THEM4: variants seen among roughly 807,000 people sequenced by gnomAD.
The protein encoded by THEM4 is acyl-coenzyme A thioesterase THEM4.
Under a neutral mutation model 25.0 loss-of-function variants are expected in THEM4, and 22 were observed. The observed-to-expected ratio is 0.88, with a 90% CI of 0.63 to 1.26. The LOEUF is 1.26. THEM4 is among the 50% of genes most tolerant of loss of function. The probability of loss-of-function intolerance (pLI) is 0.00; values close to 1 mark genes in which losing one functional copy is unlikely to be tolerated. For synonymous variants in THEM4, 113 were observed against 105.6 expected, an observed-to-expected ratio of 1.07 and a Z score of -0.43; for missense variants, 286 against 300.3, an observed-to-expected ratio of 0.95 and a Z score of 0.35.
chr1:151,889,387 G>C lies in THEM4; in HGVS notation c.287-14C>G. The C allele has an allele frequency of 6.2e-7, 1 of 1,609,984 alleles. No individual in the cohort carries two copies. Among genetic ancestry groups the C allele is most frequent in the East Asian group, 2.2e-5 (1 of 44,816 alleles). On this transcript the variant is annotated splice_polypyrimidine_tract_variant and intron_variant, in intron 2 of 5. Coordinates refer to ENST00000368814, the MANE Select transcript of THEM4 (RefSeq NM_053055.5). ...TAAGCTTTGGGTCTATAGAAAATGA[G>C]GTGGATGGCAAATGAGAAACAAGGG...
At chr1:151,898,455 C>T (rs568704355) in intron 1 of THEM4, among the ~76,000 whole-genome samples, 2 of 152,318 alleles carry the variant, frequency 1.3e-5, no homozygotes, top group Admixed American at 1.3e-4. Flanking sequence ...AGAGTCTGAG[C>T]TCAGATGTGC....
chr1:151,889,501 A>G, intron 2 of THEM4, 128 bp from the exon 3 acceptor site: 1 of 946,724 alleles, frequency 1.1e-6, no homozygotes, highest in Non-Finnish European at 1.6e-6. Flanking sequence ...CACAGGGTGC[A>G]AAATTGAAAG....
At chr1:151,906,466 G>GC (rs1482525316) in intron 1 of THEM4, among the ~76,000 whole-genome samples, 1 of 152,258 alleles carries the variant, frequency 6.6e-6, no homozygotes, top group Non-Finnish European at 1.5e-5. Flanking sequence ...GATGAGTGCT[G>GC]CCCCCTGCTC....
chr1:151,893,923 G>A (rs1042277042), intron 2 of THEM4, among the ~76,000 whole-genome samples: 9 of 151,836 alleles, frequency 5.9e-5, no homozygotes, highest in African/African-American at 2.2e-4. Context: ...GCAGTGGCGC[G>A]ATCTCAGCTC....
chr1:151,895,129 C>G lies in THEM4; in HGVS notation c.165G>C (p.Lys55Asn). 5 of 1,614,084 alleles carry G rather than the reference C, an allele frequency of 3.1e-6. No individual in the cohort carries two copies. Among genetic ancestry groups the G allele is most frequent in the Non-Finnish European group, 4.2e-6 (5 of 1,180,016 alleles). Residue 55 changes from lysine (K) to asparagine (N), a missense_variant, in exon 2 of 6, where the codon AAG becomes AAC. Lys to Asn is a moderately conservative substitution (Grantham distance 94). Coordinates refer to ENST00000368814, the MANE Select transcript of THEM4 (RefSeq NM_053055.5). ...ACTGGTCAAAGAGCAGTCTTAGGTC[C>G]TTGTTCCAGCTGGGGTTGGGGACAG... ...DCSVPNPSWN[K>N]DLRLLFDQFM...
At chr1:151,907,257 A>G (rs551555112) in intron 1 of THEM4, among the ~76,000 whole-genome samples, 74 of 152,286 alleles carry the variant, frequency 4.9e-4, no homozygotes, top group African/African-American at 1.6e-3. Flanking sequence ...GAAACTCTGA[A>G]CACATCCGAA....
chr1:151,890,287 C>T (rs1654068694), intron 2 of THEM4: 2 of 423,468 alleles, frequency 4.7e-6, no homozygotes, highest in South Asian at 3.3e-5. Flanking sequence ...CTTGTTTAGA[C>T]ACAGTTTTTT....
rs1290421876 is a variant in THEM4, at chr1:151,872,725, T to G, written c.*2163A>C. Among the ~76,000 whole-genome samples the G allele has an allele frequency of 6.6e-6, 1 of 152,182 alleles. No homozygotes were observed. Among genetic ancestry groups the G allele is most frequent in the African/African-American group, 2.4e-5 (1 of 41,452 alleles). ...AGGACGTGCCTCATTAACAGTATGT[T>G]TACAGGCAGTATGCTTGGTAAAAGT... On this transcript the variant is annotated 3_prime_UTR_variant, in exon 6 of 6. Transcript: ENST00000368814.
chr1:151,894,296 A>C (rs1198802356), intron 2 of THEM4, among the ~76,000 whole-genome samples: 1 of 152,246 alleles, frequency 6.6e-6, no homozygotes, highest in Non-Finnish European at 1.5e-5. Flanking sequence ...GATATCTGTC[A>C]TTACACAGTT....
At chr1:151,908,965 TA>T (rs1482261715) in intron 1 of THEM4, among the ~76,000 whole-genome samples, 2 of 152,238 alleles carry the variant, frequency 1.3e-5, no homozygotes, top group Admixed American at 6.5e-5. Context: ...TTGGATCAAA[TA>T]TTTTTTTAAA....
intron 2 of THEM4, among the ~76,000 whole-genome samples, chr1:151,893,426 AAG>A (rs3071185): frequency 0.9 from 132,607 of 146,764 alleles, 59,932 homozygotes; most frequent in East Asian, 0.94. Flanking sequence ...CCCAAAACAA[AAG>A]AGAGAGAGAG....
chr1:151,907,027 T>C (rs1301598132), intron 1 of THEM4, among the ~76,000 whole-genome samples: 1 of 152,082 alleles, frequency 6.6e-6, no homozygotes, highest in African/African-American at 2.4e-5. Context: ...CTCTTTGCAA[T>C]AAATCTTGCT....
At chr1:151,888,405 G>A (rs1336632233) in intron 3 of THEM4, 22 bp from the exon 4 acceptor site, 2 of 1,569,710 alleles carry the variant, frequency 1.3e-6, no homozygotes, top group Non-Finnish European at 1.7e-6. Context: ...AGGAGTGGAG[G>A]AGAAATGTTT....
chr1:151,885,055 C>A (rs1558190036), intron 4 of THEM4, among the ~76,000 whole-genome samples: 2 of 151,574 alleles, frequency 1.3e-5, no homozygotes, highest in Non-Finnish European at 2.9e-5. Context: ...TATAGTTTAT[C>A]ATTGTTTTCT....
Position 151,894,474 on chromosome 1 carries a change from A to T in THEM4, c.286+534T>A, listed in dbSNP as rs1221187444. ...TAGGGGTGGGGAGGGGATAAAGGGT[A>T]TATGGGAACTCTCTGTACTTTAGGC... On this transcript the variant is annotated intron_variant, in intron 2 of 5. Transcript: ENST00000368814. Among the ~76,000 whole-genome samples the T allele has an allele frequency of 4.6e-5, 7 of 152,358 alleles. No individual in the cohort carries two copies. The East Asian group carries it at 1.2e-3, about 25-fold the overall frequency.
chr1:151,908,955 T>C (rs1199803548), intron 1 of THEM4, among the ~76,000 whole-genome samples: 2 of 152,204 alleles, frequency 1.3e-5, no homozygotes, highest in African/African-American at 4.8e-5. Flanking sequence ...AGATAAGCGT[T>C]TGGATCAAAT....
At chr1:151,906,133 G>A (rs1358847276) in intron 1 of THEM4, among the ~76,000 whole-genome samples, 1 of 152,260 alleles carries the variant, frequency 6.6e-6, no homozygotes. Flanking sequence ...GGAAGGTGTG[G>A]AGGGAGAGGC....
intron 4 of THEM4, among the ~76,000 whole-genome samples, chr1:151,886,750 ACT>A (rs1470413202): frequency 6.6e-6 from 1 of 152,162 alleles, no homozygotes; most frequent in Admixed American, 6.5e-5. Context: ...ATAGAAAGAA[ACT>A]CTCTCAACAT....
chr1:151,882,935 G>C (rs1302449201), intron 4 of THEM4, among the ~76,000 whole-genome samples: 1 of 151,986 alleles, frequency 6.6e-6, no homozygotes, highest in African/African-American at 2.4e-5. Context: ...ATAAAGAAAA[G>C]AGGTTTAATT....
Sources: allele counts gnomAD v4.1 joint callset (sites outside exome capture counted in the v4.1 genomes callset), GRCh38; gene constraint gnomAD v4.1.1; transcripts MANE v1.5; gene names NCBI Gene and HGNC (gene_info 2026-07-23, HGNC 2026-07-21).